Variants in RYR2 observed in about 807,000 individuals in gnomAD.
The protein encoded by RYR2 is cardiac muscle ryanodine receptor-calcium release channel.
In RYR2, 227 loss-of-function variants were observed where a neutral mutation model predicts 601.1. That is an observed-to-expected ratio of 0.38 (90% CI 0.34 to 0.42). RYR2 has a LOEUF of 0.42. Among genes scored for constraint, RYR2 ranks in the 10% least tolerant of loss-of-function variants. The pLI, the probability that RYR2 is intolerant of heterozygous loss-of-function variation, is 1.00. For missense variants in RYR2, 4,646 were observed against 6,156.5 expected (o/e 0.75, Z 8.21); for synonymous variants, 2,223 against 2,175.1 (o/e 1.02, Z -0.61).
At position 237,174,362 on chromosome 1, in the gene RYR2, T is replaced by C. The variant is rs538708026; in HGVS notation, c.49-96135T>C. Among the ~76,000 whole-genome samples the C allele has an allele frequency of 4.6e-4, 70 of 152,324 alleles. 1 individual carries two copies. Among genetic ancestry groups the C allele is most frequent in the African/African-American group, 1.6e-3 (67 of 41,580 alleles). On this transcript the variant is annotated intron_variant, in intron 1 of 104. Coordinates refer to ENST00000366574, the MANE Select transcript of RYR2 (RefSeq NM_001035.3). ...TTCTTACTAATGTCACCCTGGCTTA[T>C]ATCCTCTTACATGACCTGGTTTCCT...
At position 237,614,318 on chromosome 1, in the gene RYR2, G is replaced by T. The variant is rs397516541; in HGVS notation, c.5190G>T (p.Thr1730=). 1.9e-6 allele frequency: 3 copies of T among 1,613,870 alleles called. No individual in the cohort carries two copies. The Admixed American group carries it at 5.0e-5, about 27-fold the overall frequency. Residue 1730 remains threonine, a synonymous_variant, in exon 37 of 105, where the codon ACG becomes ACT. Transcript: ENST00000366574. The surrounding 1 kb of genome is among the most constrained non-coding windows in gnomAD (Gnocchi z 4.3). ...ACAACGAGTACATTGTCCCCATGACGGAGGAGACGAAGAGCATCACCCTGT... is the reference window on the plus strand; with the variant it reads ...ACAACGAGTACATTGTCCCCATGACTGAGGAGACGAAGAGCATCACCCTGT... The part of the protein sequence containing the change: ...MMNNEYIVPM[T]EETKSITLFP...
intron 10 of RYR2, among the ~76,000 whole-genome samples, chr1:237,405,560 C>T (rs1252227604): frequency 5.9e-5 from 9 of 152,148 alleles, no homozygotes; most frequent in Admixed American, 5.9e-4. Flanking sequence ...AATATATCAA[C>T]CTTAATTTAA....
intron 10 of RYR2, among the ~76,000 whole-genome samples, chr1:237,414,884 C>G (rs1391749868): frequency 2.6e-5 from 4 of 152,144 alleles, no homozygotes; most frequent in Non-Finnish European, 5.9e-5. Flanking sequence ...AACAAACCCT[C>G]AAAGGGAGAG....
intron 32 of RYR2, 71 bp from the exon 33 acceptor site, chr1:237,593,405 T>C (rs1675451923): frequency 1.4e-6 from 2 of 1,460,412 alleles, no homozygotes; most frequent in African/African-American, 2.8e-5. Flanking sequence ...TAGACACAGT[T>C]AGGATTGCAA....
Position 237,702,012 on chromosome 1 carries a change from G to C in RYR2, c.9402G>C (p.Leu3134=), listed in dbSNP as rs1688007851. 9.3e-6 allele frequency: 15 copies of C among 1,608,774 alleles called. No homozygotes were observed. The highest frequency in any genetic ancestry group is 1.2e-5 in the Non-Finnish European group (14 of 1,175,478). The change falls in exon 66 of 105, where the codon CTG becomes CTC. Residue 3134 remains leucine, a synonymous_variant. Coordinates refer to ENST00000366574, the MANE Select transcript of RYR2 (RefSeq NM_001035.3). ...TCCAGGTGTCTTGTTATAGAATTCT[G>C]ACTAGCTTATATGCTTTGGGAACCA... ...EDVQVSCYRI[L]TSLYALGTSK...
intron 35 of RYR2, among the ~76,000 whole-genome samples, chr1:237,609,076 G>T (rs1677499028): frequency 7.6e-6 from 1 of 131,768 alleles, no homozygotes; most frequent in Admixed American, 8.6e-5. Flanking sequence ...CTTTCTTGCT[G>T]ACAGTCTCAC....
chr1:237,787,095 TAAAGGATATC>T, intron 91 of RYR2, among the ~76,000 whole-genome samples: 1 of 152,262 alleles, frequency 6.6e-6, no homozygotes, highest in East Asian at 1.9e-4. Context: ...ATTTTGCACC[TAAAGGATATC>T]AAATGTCAAT....
rs191806499 is a variant in RYR2, at chr1:237,360,372, G to C, written c.295-3986G>C. Among the ~76,000 whole-genome samples, 4 of 152,254 alleles carry C rather than the reference G, an allele frequency of 2.6e-5. No homozygotes were observed. The East Asian group carries it at 5.8e-4, about 22-fold the overall frequency. ...AAGCTGGGAAATGAAGAAAGCCCTA[G>C]ATACCTCTTCTATTTCATGTTTTAG... On this transcript the variant is annotated intron_variant, in intron 4 of 104. Coordinates refer to ENST00000366574, the MANE Select transcript of RYR2 (RefSeq NM_001035.3).
At chr1:237,053,581 C>T (rs550840022) in intron 1 of RYR2, among the ~76,000 whole-genome samples, 1 of 152,340 alleles carries the variant, frequency 6.6e-6, no homozygotes, top group East Asian at 1.9e-4. Context: ...GTGATTTCAC[C>T]TCTTCCTGCG....
At chr1:237,475,509 G>C (rs1276436010) in intron 17 of RYR2, among the ~76,000 whole-genome samples, 1 of 152,120 alleles carries the variant, frequency 6.6e-6, no homozygotes, top group Non-Finnish European at 1.5e-5. Flanking sequence ...AGGCCCCAAA[G>C]TTAGGAAATA....
At chr1:237,762,036 A>G (rs1428646923) in intron 84 of RYR2, among the ~76,000 whole-genome samples, 1 of 152,168 alleles carries the variant, frequency 6.6e-6, no homozygotes, top group Admixed American at 6.5e-5. Flanking sequence ...TGTATTTTAA[A>G]GTTTATTATT....
chr1:237,641,499 TTCTTTC>T (rs1224215051), intron 47 of RYR2, among the ~76,000 whole-genome samples: 5 of 106,408 alleles, frequency 4.7e-5, no homozygotes, highest in African/African-American at 1.9e-4. Flanking sequence ...CTTTCTTTCT[TTCTTTC>T]TTTCTTTCTT....
At chr1:237,460,323 G>A (rs561801392) in intron 16 of RYR2, among the ~76,000 whole-genome samples, 42 of 152,262 alleles carry the variant, frequency 2.8e-4, no homozygotes, top group African/African-American at 9.9e-4. Flanking sequence ...TGAACCAGTC[G>A]TTCTGGCAAG....
intron 2 of RYR2, among the ~76,000 whole-genome samples, chr1:237,293,584 C>T (rs1477856702): frequency 1.3e-5 from 2 of 152,096 alleles, no homozygotes; most frequent in East Asian, 1.9e-4. Flanking sequence ...ATCAGGGGTT[C>T]CCATGATCCC....
At chr1:237,662,399 T>G (rs1045187073) in intron 56 of RYR2, among the ~76,000 whole-genome samples, 1 of 151,868 alleles carries the variant, frequency 6.6e-6, no homozygotes, top group Non-Finnish European at 1.5e-5. Context: ...TAGTGTTAGA[T>G]AAGGTCAAGT....
intron 2 of RYR2, among the ~76,000 whole-genome samples, chr1:237,287,954 G>A (rs899858621): frequency 7.9e-5 from 12 of 152,128 alleles, no homozygotes; most frequent in East Asian, 3.9e-4. Flanking sequence ...GTCAGAGGGA[G>A]GGTCTAGGGC....
intron 101 of RYR2, among the ~76,000 whole-genome samples, chr1:237,827,496 G>A (rs898474316): frequency 6.6e-6 from 1 of 152,098 alleles, no homozygotes. Context: ...AGGGTGTGGT[G>A]GTGTGCGCCT....
chr1:237,184,671 C>T (rs917369103), intron 1 of RYR2, among the ~76,000 whole-genome samples: 20 of 152,074 alleles, frequency 1.3e-4, no homozygotes, highest in Non-Finnish European at 2.8e-4. Context: ...CAATGGTGGA[C>T]TTATGAACGG....
At chr1:237,612,601 CT>C (rs914229052) in intron 36 of RYR2, among the ~76,000 whole-genome samples, 30 of 150,748 alleles carry the variant, frequency 2.0e-4, no homozygotes, top group South Asian at 1.5e-3. Flanking sequence ...ATTTTGTATT[CT>C]TTTTTTTTGT....
Sources: allele counts gnomAD v4.1 joint callset (sites outside exome capture counted in the v4.1 genomes callset), GRCh38; gene constraint gnomAD v4.1.1; non-coding constraint Gnocchi (gnomAD v3.1); transcripts MANE v1.5; gene names NCBI Gene and HGNC (gene_info 2026-07-23, HGNC 2026-07-21).